Variants in KIAA1614 observed in about 807,000 individuals in gnomAD.
KIAA1614 encodes the protein uncharacterized protein KIAA1614.
Under a neutral mutation model 88.7 loss-of-function variants are expected in KIAA1614, and 76 were observed. That is an observed-to-expected ratio of 0.86 (90% CI 0.71 to 1.04). The LOEUF (loss-of-function observed/expected upper bound fraction) is 1.04. KIAA1614 is among the 50% of genes least tolerant of loss of function. KIAA1614 has a pLI of 0.00. For synonymous variants in KIAA1614, 714 were observed against 675.5 expected, an observed-to-expected ratio of 1.06 and a Z score of -0.88; for missense variants, 1,553 against 1,582.5, an observed-to-expected ratio of 0.98 and a Z score of 0.32.
chr1:180,941,740 G>A (rs1027215941), intron 7 of KIAA1614, among the ~76,000 whole-genome samples: 1 of 152,114 alleles, frequency 6.6e-6, no homozygotes, highest in Non-Finnish European at 1.5e-5. Context: ...ATCCGACCAC[G>A]CCACCCCCTC....
intron 3 of KIAA1614, 110 bp from the exon 4 acceptor site, chr1:180,928,320 C>A (rs995740250): frequency 1.1e-5 from 14 of 1,270,620 alleles, no homozygotes; most frequent in Non-Finnish European, 1.5e-5. Flanking sequence ...GCTGCACATG[C>A]AGGGCTTTTT....
chr1:180,920,142 C>T (rs1414451012), intron 3 of KIAA1614, among the ~76,000 whole-genome samples: 1 of 152,168 alleles, frequency 6.6e-6, no homozygotes, highest in East Asian at 1.9e-4. Context: ...GTCTTGAAGC[C>T]CCTCAGATAG....
chr1:180,929,072 C>T (rs1308149379), intron 4 of KIAA1614, among the ~76,000 whole-genome samples: 2 of 152,210 alleles, frequency 1.3e-5, no homozygotes, highest in Non-Finnish European at 2.9e-5. Context: ...TACAGCCAGA[C>T]CATGCGGGCT....
rs1027486655 is a variant in KIAA1614 at position 180,933,739 on chromosome 1, G to A, written c.1206-1376G>A. The stretch of plus-strand genomic sequence containing the variant: ...CCACAGTGTCTCCCAGAGCCAAAGT[G>A]GATGACAGATGGACAGACTCCCCAG... On this transcript the variant is annotated intron_variant, in intron 4 of 8. Coordinates refer to ENST00000367588, the MANE Select transcript of KIAA1614 (RefSeq NM_020950.2). 5.3e-5 allele frequency among the ~76,000 whole-genome samples: 8 copies of A among 152,320 alleles called. No homozygotes were observed. The East Asian group carries it at 1.5e-3, about 29-fold the overall frequency.
At chr1:180,920,717 TG>T (rs891871810) in intron 3 of KIAA1614, among the ~76,000 whole-genome samples, 2 of 49,522 alleles carry the variant, frequency 4.0e-5, no homozygotes, top group East Asian at 9.3e-4. Flanking sequence ...GGGGGCGGGC[TG>T]GGGGCGGGCT....
Position 180,928,112 on chromosome 1 carries a change from C to A in KIAA1614, c.1062-318C>A, listed in dbSNP as rs1424917078. 7.5e-5 allele frequency: 18 copies of A among 239,610 alleles called. No homozygotes were observed. The East Asian group carries it at 1.5e-3, about 19-fold the overall frequency. The allele number at this position is 239,610 out of a possible 1,614,324, so 14.8% of individuals were successfully genotyped here. A position where few individuals can be genotyped will look rare whatever the true frequency, so the allele number is the denominator to read the frequency against. On this transcript the variant is annotated intron_variant, in intron 3 of 8. Transcript: ENST00000367588. ...TCCTGCTGTCTGCCTGGGGAAGGAA[C>A]AATAGAATAATCTGGAGACTCTCCT...
Position 180,935,219 on chromosome 1 carries a change from G to A in KIAA1614, c.1310G>A (p.Gly437Asp), listed in dbSNP as rs1474207385. Residue 437 changes from glycine (G) to aspartate (D), a missense_variant, in exon 5 of 9, where the codon GGT becomes GAT. Transcript: ENST00000367588. The surrounding 1 kb of genome is among the most constrained non-coding windows in gnomAD (Gnocchi z 6.1). Reference sequence around the variant, plus strand: ...GATTCCTCCAGCGGAGAGTCCAGCGGTGGGCACAGGCCGAGGCGGGGCCCC... The same window carrying A: ...GATTCCTCCAGCGGAGAGTCCAGCGATGGGCACAGGCCGAGGCGGGGCCCC... Reference protein sequence around the residue: ...TSDSSSGESSGGHRPRRGPSP... With the variant: ...TSDSSSGESSDGHRPRRGPSP... 7.2e-6 allele frequency: 11 copies of A among 1,534,470 alleles called. No homozygotes were observed. The highest frequency in any genetic ancestry group is 9.6e-6 in the Non-Finnish European group (11 of 1,144,050).
chr1:180,916,760 A>G lies in KIAA1614; in HGVS notation c.657A>G (p.Gly219=). Residue 219 remains glycine (G), a synonymous_variant, in exon 2 of 9, where the codon GGA becomes GGG. Transcript: ENST00000367588. Reference sequence around the variant, plus strand: ...GCCCGATCCATGGAGTTACTCCCGGACGGCCTGGGGGTCCTGGTCATTGTA... The same window carrying G: ...GCCCGATCCATGGAGTTACTCCCGGGCGGCCTGGGGGTCCTGGTCATTGTA... ...QQSPIHGVTP[G]RPGGPGHCNK... 4 of 1,614,200 alleles carry G rather than the reference A, an allele frequency of 2.5e-6. No individual in the cohort carries two copies. Among genetic ancestry groups the G allele is most frequent in the South Asian group, 1.1e-5 (1 of 91,076 alleles).
intron 3 of KIAA1614, 92 bp from the exon 4 acceptor site, chr1:180,928,338 A>G (rs1240985381): frequency 1.5e-6 from 2 of 1,347,214 alleles, no homozygotes; most frequent in Non-Finnish European, 2.0e-6. Flanking sequence ...TTTCTGGCAC[A>G]GCCAGTGCTT....
At chr1:180,942,596 C>T (rs1230761126) in intron 7 of KIAA1614, among the ~76,000 whole-genome samples, 1 of 152,210 alleles carries the variant, frequency 6.6e-6, no homozygotes, top group Non-Finnish European at 1.5e-5. Flanking sequence ...GAGAAACCGC[C>T]GCAGATATTG....
intron 4 of KIAA1614, among the ~76,000 whole-genome samples, chr1:180,934,603 A>C (rs910353733): frequency 3.3e-5 from 5 of 152,186 alleles, no homozygotes; most frequent in African/African-American, 9.7e-5. Context: ...AACAAACAAA[A>C]AAAAGAATCT....
At position 180,949,378 on chromosome 1, in the gene KIAA1614, C is replaced by T. The variant is rs1479842697; in HGVS notation, c.*3790C>T. On this transcript the variant is annotated 3_prime_UTR_variant, in exon 9 of 9. Transcript: ENST00000367588. ...GGGGTCCAGCCTGCCCTGGGAGAGC[C>T]AGCACCTCACTTACTCTCCCAGGTG... The T allele has an allele frequency of 6.6e-6, 1 of 152,292 alleles. No individual in the cohort carries two copies. The highest frequency in any genetic ancestry group is 1.5e-5 in the Non-Finnish European group (1 of 68,070). The allele number at this position is 152,292 out of a possible 1,614,324, so 9.4% of individuals were successfully genotyped here.
At position 180,935,282 on chromosome 1, in the gene KIAA1614, G is replaced by A. The variant is rs762941772; in HGVS notation, c.1373G>A (p.Arg458His). 8 of 1,503,550 alleles carry A rather than the reference G, an allele frequency of 5.3e-6. No homozygotes were observed. The highest frequency in any genetic ancestry group is 1.8e-4 in the Middle Eastern group (1 of 5,658). 93.1% of individuals were successfully genotyped at this position (1,503,550 alleles called of 1,614,324 possible). A position where few individuals can be genotyped will look rare whatever the true frequency, so the allele number is the denominator to read the frequency against. The stretch of plus-strand genomic sequence containing the variant: ...GTGCGCTTTGAGGATGAGTCCGCCC[G>A]CGAAGCCGAGTTCCGTCACCTGGAG... Reference protein sequence around the residue: ...SHVRFEDESAREAEFRHLERL... With the variant: ...SHVRFEDESAHEAEFRHLERL... Residue 458 changes from arginine (R) to histidine (H), a missense_variant, in exon 5 of 9, where the codon CGC becomes CAC. By Grantham distance (29) the Arg-to-His change is conservative. Coordinates refer to ENST00000367588, the MANE Select transcript of KIAA1614 (RefSeq NM_020950.2). The surrounding 1 kb of genome is among the most constrained non-coding windows in gnomAD (Gnocchi z 6.1).
In KIAA1614 at chr1:180,945,393, G is replaced by T. The variant is rs1166932065; in HGVS notation, c.3378G>T (p.Val1126=). The T allele has an allele frequency of 1.2e-6, 2 of 1,602,338 alleles. No homozygotes were observed. ...LARTVGRLVE[V]FPDGTSQLQL... The stretch of plus-strand genomic sequence containing the variant: ...GCACCGTGGGCCGCCTGGTGGAGGT[G>T]TTCCCAGACGGCACCAGCCAGCTGC... Residue 1126 remains valine, a synonymous_variant, in exon 9 of 9, where the codon GTG becomes GTT. Coordinates refer to ENST00000367588, the MANE Select transcript of KIAA1614 (RefSeq NM_020950.2).
chr1:180,919,941 C>G (rs1482891708), intron 3 of KIAA1614, among the ~76,000 whole-genome samples: 1 of 152,146 alleles, frequency 6.6e-6, no homozygotes, highest in Non-Finnish European at 1.5e-5. Context: ...GAGAGAAGGT[C>G]TCTTAGTGAG....
rs369718466 is a variant in KIAA1614 at position 180,916,926 on chromosome 1, C to T, written c.823C>T (p.Arg275Cys). ...CCCCAGGACGGCCCTGCTGGGTGAGCGCTGGAGAGCTGGAGACCTGGAGGC... is the reference window on the plus strand; with the variant it reads ...CCCCAGGACGGCCCTGCTGGGTGAGTGCTGGAGAGCTGGAGACCTGGAGGC... ...FVPRTALLGE[R>C]WRAGDLEALG... The change falls in exon 2 of 9, where the codon CGC becomes TGC. Residue 275 changes from arginine (R) to cysteine (C), a missense_variant. Arg to Cys is a radical substitution (Grantham distance 180). Coordinates refer to ENST00000367588, the MANE Select transcript of KIAA1614 (RefSeq NM_020950.2). 103 of 1,614,088 alleles carry T rather than the reference C, an allele frequency of 6.4e-5. No homozygotes were observed. The highest frequency in any genetic ancestry group is 1.6e-4 in the Middle Eastern group (1 of 6,084).
chr1:180,916,464 G>A lies in KIAA1614; in HGVS notation c.361G>A (p.Gly121Ser), dbSNP rs758118636. 1 of 1,614,170 alleles carries A rather than the reference G, an allele frequency of 6.2e-7. No homozygotes were observed. ...CCCCAAGAAACCCCAATGCAGACGAGGCAAGGCAGGGAGAGCCGGGACTCC... is the reference window on the plus strand; with the variant it reads ...CCCCAAGAAACCCCAATGCAGACGAAGCAAGGCAGGGAGAGCCGGGACTCC... ...SSPKKPQCRR[G>S]KAGRAGTPSE... The change falls in exon 2 of 9, where the codon GGC (glycine) becomes AGC (serine). Residue 121 changes from glycine (G) to serine (S), a missense_variant. Coordinates refer to ENST00000367588, the MANE Select transcript of KIAA1614 (RefSeq NM_020950.2).
At chr1:180,939,111 G>T (rs1182496764) in intron 6 of KIAA1614, among the ~76,000 whole-genome samples, 1 of 152,176 alleles carries the variant, frequency 6.6e-6, no homozygotes, top group Non-Finnish European at 1.5e-5. Flanking sequence ...AGGCAGAGCT[G>T]GGGGGAGAAG....
In KIAA1614 at chr1:180,949,923, C is replaced by G. The variant is rs1442330486; in HGVS notation, c.*4335C>G. 1 of 152,282 alleles carries G rather than the reference C, an allele frequency of 6.6e-6. No homozygotes were observed. The highest frequency in any genetic ancestry group is 1.5e-5 in the Non-Finnish European group (1 of 68,088). 9.4% of individuals were successfully genotyped at this position (152,282 alleles called of 1,614,324 possible). On this transcript the variant is annotated 3_prime_UTR_variant, in exon 9 of 9. Transcript: ENST00000367588. ...GGGTGACCTGAGGCAGCAACTGGATCATAGTGCCAGGCACTGAGTAGGTAT... is the reference window on the plus strand; with the variant it reads ...GGGTGACCTGAGGCAGCAACTGGATGATAGTGCCAGGCACTGAGTAGGTAT...
Sources: allele counts gnomAD v4.1 joint callset (sites outside exome capture counted in the v4.1 genomes callset), GRCh38; gene constraint gnomAD v4.1.1; non-coding constraint Gnocchi (gnomAD v3.1); transcripts MANE v1.5; gene names NCBI Gene and HGNC (gene_info 2026-07-23, HGNC 2026-07-21).